The following MAP1S variants were observed in gnomAD, a reference collection of about 807,000 sequenced individuals.
MAP1S encodes the protein microtubule-associated protein 1S.
MAP1S carries 27 observed loss-of-function variants against 60.9 expected under a neutral mutation model. That is an observed-to-expected ratio of 0.44 (90% CI 0.33 to 0.61). The LOEUF (loss-of-function observed/expected upper bound fraction) is 0.61. Among genes scored for constraint, MAP1S ranks in the 20% least tolerant of loss-of-function variants. The pLI is 0.03. For synonymous variants in MAP1S, 826 were observed against 694.2 expected (o/e 1.19, Z -2.98); for missense variants, 1,608 against 1,486.6 (o/e 1.08, Z -1.34).
chr19:17,727,389 T>TCACCCACAGTGACCA lies in MAP1S; in HGVS notation c.2013_2027dup (p.Thr676_Pro680dup). The TCACCCACAGTGACCA allele has an allele frequency of 6.3e-7, 1 of 1,594,206 alleles. No homozygotes were observed. On this transcript the variant is annotated inframe_insertion, in exon 5 of 7. Coordinates refer to ENST00000324096, the MANE Select transcript of MAP1S (RefSeq NM_018174.6). The surrounding 1 kb of genome is among the most constrained non-coding windows in gnomAD (Gnocchi z 4.1). ...GGGCGGGGAGGCCGGGCCAGACGCC[T>TCACCCACAGTGACCA]CACCCACAGTGACCACACCCACGGT...
rs749294957 is a variant in MAP1S at position 17,725,585 on chromosome 19, C to T, written c.445-244C>T. Among the ~76,000 whole-genome samples the T allele has an allele frequency of 1.3e-5, 2 of 152,104 alleles. No individual in the cohort carries two copies. Among genetic ancestry groups the T allele is most frequent in the Non-Finnish European group, 2.9e-5 (2 of 68,020 alleles). ...GAGAGTCTCCTTGGAGGGAGCTGTG[C>T]CCTGGGAGGAGAGAATGGTGAGTGT... On this transcript the variant is annotated intron_variant, in intron 4 of 6. Coordinates refer to ENST00000324096, the MANE Select transcript of MAP1S (RefSeq NM_018174.6). The surrounding 1 kb of genome is among the most constrained non-coding windows in gnomAD (Gnocchi z 4.2).
chr19:17,728,301 G>A, intron 5 of MAP1S, 129 bp downstream of exon 5: 1 of 1,044,694 alleles, frequency 9.6e-7, no homozygotes, highest in Non-Finnish European at 1.4e-6. Context: ...CTGAGCTGGA[G>A]TGCAGTGGTG....
chr19:17,721,238 C>G, intron 2 of MAP1S: 2 of 587,960 alleles, frequency 3.4e-6, no homozygotes. Flanking sequence ...GTGTTTTTGT[C>G]CCTGATTGAC....
intron 2 of MAP1S, 170 bp downstream of exon 2, chr19:17,721,207 C>T: frequency 1.5e-6 from 1 of 662,364 alleles, no homozygotes; most frequent in Non-Finnish European, 2.7e-6. Context: ...CAGTCCTCAG[C>T]AACCCACAGT....
At chr19:17,720,855 C>T in intron 1 of MAP1S, 81 bp from the exon 2 acceptor site, 1 of 1,113,328 alleles carries the variant, frequency 9.0e-7, no homozygotes, top group Non-Finnish European at 1.4e-6. Flanking sequence ...CGCTCCCCAC[C>T]CACGGGGTGC....
chr19:17,728,314 G>C (rs2080462817), intron 5 of MAP1S, 142 bp downstream of exon 5: 1 of 955,630 alleles, frequency 1.0e-6, no homozygotes, highest in Admixed American at 3.0e-5. Flanking sequence ...CAGTGGTGTG[G>C]TCACAGCTCA....
chr19:17,727,220 G>A lies in MAP1S; in HGVS notation c.1836G>A (p.Glu612=), dbSNP rs1243944285. The change falls in exon 5 of 7, where the codon GAG becomes GAA. Residue 612 remains glutamate, a synonymous_variant. Coordinates refer to ENST00000324096, the MANE Select transcript of MAP1S (RefSeq NM_018174.6). The surrounding 1 kb of genome is among the most constrained non-coding windows in gnomAD (Gnocchi z 4.1). ...AGCTGGTGGCCACGCCCAGCCTGGA[G>A]CTGGGGCCGATCCCAGCCGGGGAGG... ...ASQLVATPSL[E]LGPIPAGEEK... The A allele has an allele frequency of 1.3e-6, 2 of 1,567,464 alleles. No individual in the cohort carries two copies. Among genetic ancestry groups the A allele is most frequent in the Non-Finnish European group, 1.7e-6 (2 of 1,161,360 alleles).
Position 17,726,895 on chromosome 19 carries a change from A to G in MAP1S, c.1511A>G (p.Lys504Arg). 1 of 1,559,828 alleles carries G rather than the reference A, an allele frequency of 6.4e-7. No individual in the cohort carries two copies. Among genetic ancestry groups the G allele is most frequent in the Non-Finnish European group, 8.7e-7 (1 of 1,152,462 alleles). The change falls in exon 5 of 7, where the codon AAG (lysine) becomes AGG (arginine). Residue 504 changes from lysine (K) to arginine (R), a missense_variant. Lys to Arg is a conservative substitution (Grantham distance 26). Coordinates refer to ENST00000324096, the MANE Select transcript of MAP1S (RefSeq NM_018174.6). Reference sequence around the variant, plus strand: ...CAGGAGCGCCCTGGGGTGGCCCGCAAGGAGCCAGCACGGGCTGAGGCCCCA... The same window carrying G: ...CAGGAGCGCCCTGGGGTGGCCCGCAGGGAGCCAGCACGGGCTGAGGCCCCA... ...PGQERPGVAR[K>R]EPARAEAPRK...
At position 17,728,090 on chromosome 19, in the gene MAP1S, G is replaced by C; in HGVS notation, c.2706G>C (p.Arg902=). The C allele has an allele frequency of 6.2e-7, 1 of 1,612,714 alleles. No individual in the cohort carries two copies. Among genetic ancestry groups the C allele is most frequent in the East Asian group, 2.2e-5 (1 of 44,852 alleles). ...GTGCCAGCCGACCACTCAGTGCCCGGAGTGAGCCCAGTGAGAAGGGAGGCC... is the reference window on the plus strand; with the variant it reads ...GTGCCAGCCGACCACTCAGTGCCCGCAGTGAGCCCAGTGAGAAGGGAGGCC... ...GDRASRPLSA[R]SEPSEKGGRA... The change falls in exon 5 of 7, where the codon CGG becomes CGC. Residue 902 remains arginine (R), a synonymous_variant. Coordinates refer to ENST00000324096, the MANE Select transcript of MAP1S (RefSeq NM_018174.6).
At chr19:17,728,221 T>A in intron 5 of MAP1S, 49 bp downstream of exon 5, 2 of 1,508,820 alleles carry the variant, frequency 1.3e-6, no homozygotes, top group African/African-American at 2.8e-5. Context: ...CTGCTTAGGC[T>A]GGAGAGCATA....
chr19:17,722,593 A>G (rs2080380222), intron 2 of MAP1S, among the ~76,000 whole-genome samples: 1 of 151,890 alleles, frequency 6.6e-6, no homozygotes, highest in African/African-American at 2.4e-5. Context: ...TACTAAAAAT[A>G]CAAAAATTAG....
At chr19:17,732,946 G>A (rs2080504461) in intron 5 of MAP1S, 1 of 515,456 alleles carries the variant, frequency 1.9e-6, no homozygotes, top group Non-Finnish European at 3.4e-6. Context: ...CATCTACTTG[G>A]AAGGCTGAGG....
intron 5 of MAP1S, 127 bp from the exon 6 acceptor site, chr19:17,733,066 G>A: frequency 1.6e-6 from 1 of 620,430 alleles, no homozygotes; most frequent in Non-Finnish European, 2.8e-6. Context: ...GGCCTCCCCA[G>A]AAAACTCTGA....
intron 1 of MAP1S, chr19:17,720,460 T>C: frequency 6.5e-7 from 1 of 1,530,566 alleles, no homozygotes; most frequent in Non-Finnish European, 8.7e-7. Context: ...CCAAAGCGAG[T>C]GAGGAGATGG....
At chr19:17,720,474 A>G in intron 1 of MAP1S, 2 of 1,529,368 alleles carry the variant, frequency 1.3e-6, no homozygotes, top group Non-Finnish European at 8.7e-7. Context: ...GAGATGGAAC[A>G]AGCTTCCAGC....
In MAP1S at chr19:17,727,425, T is replaced by C. The variant is rs1197829237; in HGVS notation, c.2041T>C (p.Ser681Pro). The change falls in exon 5 of 7, where the codon TCA becomes CCA. Residue 681 changes from serine to proline, a missense_variant. By Grantham distance (74) the Ser-to-Pro change is moderately conservative. Transcript: ENST00000324096. This position sits in a 1 kb window ranked among gnomAD's most constrained non-coding sequence, Gnocchi z 4.1. ...TVTTPTVTTP[S>P]LPAEVGSPHS... ...GACCACACCCACGGTGACCACGCCC[T>C]CACTACCCGCAGAGGTGGGCTCCCC... 2 of 1,600,968 alleles carry C rather than the reference T, an allele frequency of 1.2e-6. No individual in the cohort carries two copies. Among genetic ancestry groups the C allele is most frequent in the Non-Finnish European group, 8.5e-7 (1 of 1,174,514 alleles).
chr19:17,727,822 C>G lies in MAP1S; in HGVS notation c.2438C>G (p.Thr813Arg). 1 of 1,613,408 alleles carries G rather than the reference C, an allele frequency of 6.2e-7. No homozygotes were observed. Among genetic ancestry groups the G allele is most frequent in the Non-Finnish European group, 8.5e-7 (1 of 1,179,840 alleles). Residue 813 changes from threonine (T) to arginine (R), a missense_variant, in exon 5 of 7, where the codon ACA becomes AGA. Coordinates refer to ENST00000324096, the MANE Select transcript of MAP1S (RefSeq NM_018174.6). The surrounding 1 kb of genome is among the most constrained non-coding windows in gnomAD (Gnocchi z 4.1). ...GGTGCGGCAGACTCAGACGAAGACA[C>G]AGAGGGCTTTGGAGTCCCTCGCCAC... ...APGAADSDED[T>R]EGFGVPRHDP...
chr19:17,727,634 G>A lies in MAP1S; in HGVS notation c.2250G>A (p.Ala750=), dbSNP rs758396147. The A allele has an allele frequency of 8.7e-6, 14 of 1,608,080 alleles. No individual in the cohort carries two copies. Among genetic ancestry groups the A allele is most frequent in the Non-Finnish European group, 1.2e-5 (14 of 1,179,700 alleles). The change falls in exon 5 of 7, where the codon GCG becomes GCA. Residue 750 remains alanine (A), a synonymous_variant. Transcript: ENST00000324096. The surrounding 1 kb of genome is among the most constrained non-coding windows in gnomAD (Gnocchi z 4.1). ...VSPCEFEHRK[A]VPMAPAPASP... ...CCTGTGAATTTGAGCATCGCAAGGC[G>A]GTGCCAATGGCACCGGCACCTGCGT...
Position 17,727,557 on chromosome 19 carries a change from C to A in MAP1S, c.2173C>A (p.Arg725=), listed in dbSNP as rs748027357. ...AGLSLPLRGP[R]ARRSASPHDV... ...GCTGAGCCTCCCGCTGCGTGGCCCC[C>A]GGGCGCGGCGCTCGGCTTCCCCACA... Residue 725 remains arginine, a synonymous_variant, in exon 5 of 7, where the codon CGG becomes AGG. Transcript: ENST00000324096. The surrounding 1 kb of genome is among the most constrained non-coding windows in gnomAD (Gnocchi z 4.1). The A allele has an allele frequency of 7.5e-6, 12 of 1,607,800 alleles. No homozygotes were observed. The highest frequency in any genetic ancestry group is 1.0e-5 in the Non-Finnish European group (12 of 1,179,314).
Sources: gnomAD v4.1 joint callset for allele counts (sites outside exome capture counted in the v4.1 genomes callset) on GRCh38, gnomAD v4.1.1 for gene constraint, Gnocchi (gnomAD v3.1) non-coding constraint, MANE v1.5 for transcripts, NCBI Gene and HGNC (gene_info 2026-07-23, HGNC 2026-07-21) for gene names.